Variants in PEPD observed in about 807,000 individuals in gnomAD.
PEPD encodes xaa-Pro dipeptidase.
PEPD carries 53 observed loss-of-function variants against 60.7 expected under a neutral mutation model. The observed-to-expected ratio is 0.87, with a 90% CI of 0.70 to 1.10. The LOEUF (loss-of-function observed/expected upper bound fraction) is 1.10, where lower values mean the gene tolerates loss of function less well. Among genes scored for constraint, PEPD ranks in the 50% least tolerant of loss-of-function variants. The pLI is 0.00. For missense variants in PEPD, 711 were observed against 711.9 expected, an observed-to-expected ratio of 1.00 and a Z score of 0.01; for synonymous variants, 267 against 284.1, an observed-to-expected ratio of 0.94 and a Z score of 0.60.
At chr19:33,509,549 G>A (rs1970881809) in intron 3 of PEPD, among the ~76,000 whole-genome samples, 1 of 152,312 alleles carries the variant, frequency 6.6e-6, no homozygotes, top group Non-Finnish European at 1.5e-5. Flanking sequence ...TGGAAGCAGG[G>A]GAAGCTCCAC....
At position 33,512,448 on chromosome 19, in the gene PEPD, C is replaced by T. The variant is rs1240348836; in HGVS notation, c.201+145G>A. 3 of 773,138 alleles carry T rather than the reference C, an allele frequency of 3.9e-6. No individual in the cohort carries two copies. The African/African-American group carries it at 5.1e-5, about 13-fold the overall frequency. The allele number at this position is 773,138 out of a possible 1,614,324, so 47.9% of individuals were successfully genotyped here. A position where few individuals can be genotyped will look rare whatever the true frequency, so the allele number is the denominator to read the frequency against. ...TTCAAGTTCTACATCTTCAAGGAGC[C>T]CCTGGACCACTTCCCAGGCGAGGAA... On this transcript the variant is annotated intron_variant, in intron 2 of 14. Transcript: ENST00000244137.
At position 33,413,671 on chromosome 19, in the gene PEPD, G is replaced by T. The variant is rs770852001; in HGVS notation, c.672-28C>A. Reference sequence around the variant, plus strand: ...GCAGGGGGAGAGACGCGTCAGGGTTGGGGCACTAGAGCAGGCACACCCCAC... The same window carrying T: ...GCAGGGGGAGAGACGCGTCAGGGTTTGGGCACTAGAGCAGGCACACCCCAC... On this transcript the variant is annotated intron_variant, in intron 9 of 14. Transcript: ENST00000244137. The T allele has an allele frequency of 7.5e-6, 11 of 1,472,980 alleles. No homozygotes were observed. The Admixed American group carries it at 1.9e-4, about 25-fold the overall frequency. 91.2% of individuals were successfully genotyped at this position (1,472,980 alleles called of 1,614,324 possible).
intron 9 of PEPD, among the ~76,000 whole-genome samples, chr19:33,455,987 C>T (rs1477336): frequency 0.4 from 60,383 of 151,998 alleles, 12,699 homozygotes; most frequent in African/African-American, 0.53. Context: ...AGTCCTTCAT[C>T]GACCAGGTTA....
At chr19:33,462,448 T>C (rs7247614) in intron 9 of PEPD, among the ~76,000 whole-genome samples, 1 of 151,994 alleles carries the variant, frequency 6.6e-6, no homozygotes. Context: ...CACTGACTTC[T>C]GGGTCCTGGA....
At position 33,478,087 on chromosome 19, in the gene PEPD, G is replaced by A. The variant is rs377714630; in HGVS notation, c.507C>T (p.Phe169=). ...REASFDGISK[F]EVNNTILHPE... The stretch of plus-strand genomic sequence containing the variant: ...GGTGAAGAATGGTATTGTTGACTTC[G>A]AACCTGTAGGGCGAAAAGAAATCAA... The change falls in exon 7 of 15, where the codon TTC becomes TTT. Residue 169 remains phenylalanine (F), a synonymous_variant. Coordinates refer to ENST00000244137, the MANE Select transcript of PEPD (RefSeq NM_000285.4). 2.1e-5 allele frequency: 34 copies of A among 1,607,406 alleles called. No homozygotes were observed. Among genetic ancestry groups the A allele is most frequent in the Middle Eastern group, 1.6e-4 (1 of 6,074 alleles).
intron 12 of PEPD, among the ~76,000 whole-genome samples, chr19:33,397,415 C>T (rs184038803): frequency 4.7e-4 from 71 of 152,120 alleles, no homozygotes; most frequent in African/African-American, 1.5e-3. Context: ...AGGGCATTTC[C>T]GCTGGGACAA....
chr19:33,444,076 C>T (rs765464444), intron 9 of PEPD, among the ~76,000 whole-genome samples: 29 of 152,280 alleles, frequency 1.9e-4, no homozygotes, highest in Non-Finnish European at 1.5e-4. Context: ...CATGGGTGCG[C>T]GCACACATAC....
chr19:33,407,777 C>A (rs1968665422), intron 11 of PEPD, among the ~76,000 whole-genome samples: 1 of 152,358 alleles, frequency 6.6e-6, no homozygotes, highest in East Asian at 1.9e-4. Flanking sequence ...AACAGCAAAA[C>A]CCCCGGAGGC....
Position 33,441,469 on chromosome 19 carries a change from C to T in PEPD, c.671+21526G>A, listed in dbSNP as rs371533695. Among the ~76,000 whole-genome samples, 31 of 152,326 alleles carry T rather than the reference C, an allele frequency of 2.0e-4. 1 individual carries two copies. Among genetic ancestry groups the T allele is most frequent in the African/African-American group, 7.0e-4 (29 of 41,572 alleles). On this transcript the variant is annotated intron_variant, in intron 9 of 14. Transcript: ENST00000244137. ...CAAGAGTGCACAGTCCCGGGGAGGC[C>T]GCCACCTTGCTCAGACCTGCACGTC...
intron 7 of PEPD, among the ~76,000 whole-genome samples, chr19:33,476,690 G>A (rs1487603366): frequency 6.6e-6 from 1 of 152,056 alleles, no homozygotes; most frequent in African/African-American, 2.4e-5. Context: ...TTGAGACAGA[G>A]TCTTGCTCTG....
chr19:33,490,885 A>G (rs1179118261), intron 5 of PEPD, among the ~76,000 whole-genome samples: 3 of 151,294 alleles, frequency 2.0e-5, no homozygotes, highest in Non-Finnish European at 1.5e-5. Context: ...CTTGTCTCGA[A>G]CTCTTGACCT....
intron 9 of PEPD, among the ~76,000 whole-genome samples, chr19:33,447,925 C>G (rs1381188232): frequency 2.0e-5 from 3 of 152,216 alleles, no homozygotes; most frequent in Admixed American, 2.0e-4. Context: ...AACTCAGCTT[C>G]ACAGCCCCGG....
At chr19:33,389,022 C>T (rs1290584511) in intron 13 of PEPD, 1 of 152,406 alleles carries the variant, frequency 6.6e-6, no homozygotes, top group Non-Finnish European at 1.5e-5. Context: ...TGCCCGGCTG[C>T]ACTCCCTCCC....
chr19:33,409,696 T>G (rs531809723), intron 11 of PEPD, among the ~76,000 whole-genome samples: 172 of 152,208 alleles, frequency 1.1e-3, no homozygotes, highest in Middle Eastern at 6.8e-3. Context: ...GGACACCAGG[T>G]GGTGTCTGGA....
intron 9 of PEPD, among the ~76,000 whole-genome samples, chr19:33,448,648 C>G (rs953590304): frequency 1.3e-5 from 2 of 151,816 alleles, no homozygotes. Context: ...ATGAAAGAAC[C>G]AACAGCATGA....
intron 3 of PEPD, among the ~76,000 whole-genome samples, chr19:33,502,939 G>A (rs1329291518): frequency 2.4e-5 from 3 of 126,512 alleles, no homozygotes; most frequent in Non-Finnish European, 3.3e-5. Context: ...ACCCTCTACG[G>A]ATAACTGGGG....
chr19:33,491,286 A>G (rs1970495069), intron 5 of PEPD, among the ~76,000 whole-genome samples: 1 of 152,004 alleles, frequency 6.6e-6, no homozygotes, highest in African/African-American at 2.4e-5. Context: ...CCCGTCTCTA[A>G]CAAAAAACAC....
At chr19:33,501,233 C>T (rs1044146264) in intron 3 of PEPD, among the ~76,000 whole-genome samples, 1 of 152,114 alleles carries the variant, frequency 6.6e-6, no homozygotes, top group African/African-American at 2.4e-5. Context: ...TCAGCAAGCC[C>T]CGCTCCTCCG....
intron 3 of PEPD, among the ~76,000 whole-genome samples, chr19:33,503,345 G>A (rs895205017): frequency 2.6e-5 from 4 of 152,148 alleles, no homozygotes; most frequent in Admixed American, 6.6e-5. Flanking sequence ...AAATGATCAC[G>A]GGGTATCAAG....
Sources: gnomAD v4.1 joint callset for allele counts (sites outside exome capture counted in the v4.1 genomes callset) on GRCh38, gnomAD v4.1.1 for gene constraint, MANE v1.5 for transcripts, NCBI Gene and HGNC (gene_info 2026-07-23, HGNC 2026-07-21) for gene names.